ZNF536: variants seen among roughly 807,000 people sequenced by gnomAD.
ZNF536 encodes the protein zinc finger protein 536.
In ZNF536, 13 loss-of-function variants were observed where a neutral mutation model predicts 84.5. The observed-to-expected ratio is 0.15, with a 90% CI of 0.10 to 0.24. ZNF536 has a LOEUF of 0.24. Ranked by LOEUF, ZNF536 falls within the 10% of genes least tolerant of loss-of-function variation. The pLI, the probability that ZNF536 is intolerant of heterozygous loss-of-function variation, is 1.00. For missense variants in ZNF536, 1,536 were observed against 1,747.5 expected (o/e 0.88, Z 2.16); for synonymous variants, 811 against 742.5 (o/e 1.09, Z -1.50).
intron 1 of ZNF536, among the ~76,000 whole-genome samples, chr19:30,657,058 G>A (rs1208530187): frequency 6.6e-6 from 1 of 152,146 alleles, no homozygotes; most frequent in Non-Finnish European, 1.5e-5. Flanking sequence ...AGAGATGCTG[G>A]CATTGCTGGT....
At chr19:30,277,749 A>C (rs2088342798) in intron 1 of ZNF536, among the ~76,000 whole-genome samples, 1 of 152,202 alleles carries the variant, frequency 6.6e-6, no homozygotes, top group Non-Finnish European at 1.5e-5. Flanking sequence ...GACCCTGTGG[A>C]GTGGGCTAAT....
intron 1 of ZNF536, among the ~76,000 whole-genome samples, chr19:30,699,140 C>G (rs567868854): frequency 6.6e-6 from 1 of 152,108 alleles, no homozygotes; most frequent in Non-Finnish European, 1.5e-5. Flanking sequence ...TACTTTCTAG[C>G]ACTAAATACC....
At chr19:30,570,789 C>A (rs2046517656) in intron 1 of ZNF536, among the ~76,000 whole-genome samples, 1 of 152,092 alleles carries the variant, frequency 6.6e-6, no homozygotes, top group East Asian at 1.9e-4. Flanking sequence ...GAAGTCTCCT[C>A]AAAAAACATG....
chr19:30,321,772 T>TC (rs1322285447), intron 2 of ZNF536, among the ~76,000 whole-genome samples: 1 of 150,950 alleles, frequency 6.6e-6, no homozygotes, highest in African/African-American at 2.4e-5. Context: ...TTCTTTTTTT[T>TC]CTTTCTTTCT....
intron 1 of ZNF536, among the ~76,000 whole-genome samples, chr19:30,234,477 C>G (rs1003521229): frequency 1.4e-5 from 2 of 143,530 alleles, no homozygotes; most frequent in African/African-American, 5.2e-5. Flanking sequence ...TCTTGGCTCA[C>G]TGCAACCTCT....
chr19:30,554,293 C>G (rs976185147), intron 4 of ZNF536: 4 of 116,254 alleles, frequency 3.4e-5, no homozygotes, highest in African/African-American at 1.3e-4. Flanking sequence ...GAGTTTTGCT[C>G]TGTTGCCTGG....
intron 3 of ZNF536, among the ~76,000 whole-genome samples, chr19:30,543,507 G>A (rs1240652284): frequency 6.6e-6 from 1 of 152,220 alleles, no homozygotes; most frequent in Non-Finnish European, 1.5e-5. Flanking sequence ...GGCTAGGCAG[G>A]CCCAATGCCT....
rs138256863 is a variant in ZNF536 at position 30,291,308 on chromosome 19, T to C, written c.-120+7167T>C. Among the ~76,000 whole-genome samples the C allele has an allele frequency of 7.9e-3, 1,197 of 152,350 alleles. 10 individuals are homozygous for C. Among genetic ancestry groups the C allele is most frequent in the Middle Eastern group, 0.014 (4 of 294 alleles). On this transcript the variant is annotated intron_variant, in intron 2 of 5. Coordinates refer to the ZNF536 transcript ENST00000585628. ...AACTAATTTACACTCCTACCAACCA[T>C]GTAAAAGCATTCCTATTTCTCCACA...
intron 2 of ZNF536, among the ~76,000 whole-genome samples, chr19:30,513,213 C>G (rs1358627220): frequency 6.6e-6 from 1 of 152,142 alleles, no homozygotes; most frequent in Non-Finnish European, 1.5e-5. Flanking sequence ...AGCTGCTGCT[C>G]TCTAGCAATT....
At chr19:30,281,836 C>T (rs1462698453) in intron 1 of ZNF536, among the ~76,000 whole-genome samples, 1 of 152,186 alleles carries the variant, frequency 6.6e-6, no homozygotes, top group Non-Finnish European at 1.5e-5. Flanking sequence ...CCCACCCCTA[C>T]TCTGAGCTGC....
chr19:30,297,622 G>A (rs1240967292), intron 2 of ZNF536, among the ~76,000 whole-genome samples: 1 of 152,136 alleles, frequency 6.6e-6, no homozygotes, highest in Non-Finnish European at 1.5e-5. Context: ...CTCTTTGAAG[G>A]ACTAGGCATG....
At chr19:30,669,919 G>A (rs947697868) in intron 1 of ZNF536, among the ~76,000 whole-genome samples, 2 of 152,212 alleles carry the variant, frequency 1.3e-5, no homozygotes, top group African/African-American at 2.4e-5. Context: ...GGGCGGACTG[G>A]ATTGTTCCTG....
At chr19:30,635,928 C>T (rs1203139458) in intron 1 of ZNF536, among the ~76,000 whole-genome samples, 2 of 152,212 alleles carry the variant, frequency 1.3e-5, no homozygotes, top group Non-Finnish European at 2.9e-5. Context: ...GCTGCAGGCT[C>T]TCCCCGGGTA....
At chr19:30,231,816 G>A (rs2023073965) in intron 1 of ZNF536, among the ~76,000 whole-genome samples, 2 of 152,262 alleles carry the variant, frequency 1.3e-5, no homozygotes, top group South Asian at 4.1e-4. Context: ...GTGTGTGTGT[G>A]TGTGTCTGTC....
intron 3 of ZNF536, among the ~76,000 whole-genome samples, chr19:30,354,717 C>G (rs902066620): frequency 2.0e-5 from 3 of 152,044 alleles, no homozygotes; most frequent in African/African-American, 7.2e-5. Flanking sequence ...ACTTTGTATC[C>G]AAAAATAAAT....
chr19:30,519,674 G>A (rs957042723), intron 2 of ZNF536, among the ~76,000 whole-genome samples: 6 of 152,212 alleles, frequency 3.9e-5, no homozygotes, highest in Non-Finnish European at 7.3e-5. Context: ...GGCTAGTTAT[G>A]TACTTAAAAG....
Position 30,313,403 on chromosome 19 carries a change from T to C in ZNF536, c.-120+29262T>C, listed in dbSNP as rs566913742. Among the ~76,000 whole-genome samples the C allele has an allele frequency of 2.0e-5, 3 of 152,128 alleles. No homozygotes were observed. In the East Asian group the frequency reaches 5.8e-4, roughly 29 times the overall value. ...ACTTCTGCTTAGGTCCCCTGCCTTG[T>C]CTCCTCCCCACTGTGTCAGTCAGAG... On this transcript the variant is annotated intron_variant, in intron 2 of 5. Transcript: ENST00000585628.
At chr19:30,282,545 T>C (rs1297619480) in intron 1 of ZNF536, among the ~76,000 whole-genome samples, 2 of 152,204 alleles carry the variant, frequency 1.3e-5, no homozygotes, top group Non-Finnish European at 2.9e-5. Flanking sequence ...CCCTGGAGAA[T>C]AGTCCTAGAA....
At chr19:30,610,817 AG>A (rs2048078109) in intron 1 of ZNF536, among the ~76,000 whole-genome samples, 1 of 152,140 alleles carries the variant, frequency 6.6e-6, no homozygotes, top group Non-Finnish European at 1.5e-5. Flanking sequence ...ACCCAGAGAG[AG>A]CTGCTTCTAG....
Sources: gnomAD v4.1 joint callset for allele counts (sites outside exome capture counted in the v4.1 genomes callset) on GRCh38, gnomAD v4.1.1 for gene constraint, MANE v1.5 for transcripts, NCBI Gene and HGNC (gene_info 2026-07-23, HGNC 2026-07-21) for gene names.